Variants in SMAP2 observed in about 807,000 individuals in gnomAD.
The protein encoded by SMAP2 is stromal membrane-associated protein 2.
In SMAP2, 25 loss-of-function variants were observed where a neutral mutation model predicts 56.4. The ratio of observed to expected loss-of-function variants is 0.44; its 90% CI spans 0.32 to 0.62. SMAP2 has a LOEUF of 0.62. Ranked by LOEUF, SMAP2 falls within the 20% of genes least tolerant of loss-of-function variation. SMAP2 has a pLI of 0.04. For missense variants in SMAP2, 388 were observed against 545.6 expected (o/e 0.71, Z 2.88); for synonymous variants, 157 against 181.7 (o/e 0.86, Z 1.09).
chr1:40,373,862 G>A lies in SMAP2; in HGVS notation c.-259G>A, dbSNP rs2272992. 247 of 376,224 alleles carry A rather than the reference G, an allele frequency of 6.6e-4. 1 individual carries two copies. The East Asian group carries it at 9.6e-3, about 15-fold the overall frequency. The allele number at this position is 376,224 out of a possible 1,614,324, so 23.3% of individuals were successfully genotyped here. ...GTGGTCCGCCTTTGCCTGGGCTGAG[G>A]GTCTCTGGCCCCGCAGCCTCTCTTG... On this transcript the variant is annotated 5_prime_UTR_variant, in exon 1 of 10. Transcript: ENST00000372718.
Position 40,386,853 on chromosome 1 carries a change from CTTTT to C in SMAP2, c.103+12645_103+12648del, listed in dbSNP as rs57984975. On this transcript the variant is annotated intron_variant, in intron 1 of 9. Transcript: ENST00000372718. This position sits in a 1 kb window ranked among gnomAD's most constrained non-coding sequence, Gnocchi z 4.1. ...GATGCTGAAGGTATTTTTCATAATT[CTTTT>C]TTTTTTTTTTTTTTGGAGACAAGGT... 1.6e-5 allele frequency among the ~76,000 whole-genome samples: 2 copies of C among 127,346 alleles called. No homozygotes were observed. The allele number at this position is 127,346 out of a possible 152,430, so 83.5% of individuals were successfully genotyped here.
At position 40,422,493 on chromosome 1, in the gene SMAP2, G is replaced by T. The variant is rs1302669520; in HGVS notation, c.*392G>T. The T allele has an allele frequency of 3.4e-5, 7 of 208,306 alleles. No individual in the cohort carries two copies. Among genetic ancestry groups the T allele is most frequent in the Non-Finnish European group, 7.1e-5 (7 of 98,562 alleles). The allele number at this position is 208,306 out of a possible 1,614,324, so 12.9% of individuals were successfully genotyped here. A position where few individuals can be genotyped will look rare whatever the true frequency, so the allele number is the denominator to read the frequency against. On this transcript the variant is annotated 3_prime_UTR_variant, in exon 10 of 10. Transcript: ENST00000372718. ...TAGGCAAACAGGGGAAAGCTTAGAGGTCCTTCTATATGTGTTAATAAGCTG... is the reference window on the plus strand; with the variant it reads ...TAGGCAAACAGGGGAAAGCTTAGAGTTCCTTCTATATGTGTTAATAAGCTG...
At chr1:40,351,952 C>T (rs1644410893) in intron 1 of SMAP2, among the ~76,000 whole-genome samples, 1 of 152,054 alleles carries the variant, frequency 6.6e-6, no homozygotes, top group South Asian at 2.1e-4. Context: ...TCTTAAGCTT[C>T]TTTGGGTTAT....
At chr1:40,382,766 A>G (rs1164025185) in intron 1 of SMAP2, among the ~76,000 whole-genome samples, 1 of 152,224 alleles carries the variant, frequency 6.6e-6, no homozygotes, top group African/African-American at 2.4e-5. Flanking sequence ...CTAGAATGTA[A>G]GCTAGGGGGC....
At chr1:40,393,518 C>T (rs944155974) in intron 1 of SMAP2, 8 of 952,036 alleles carry the variant, frequency 8.4e-6, no homozygotes, top group Non-Finnish European at 1.1e-5. Context: ...AGTTGATCAA[C>T]AAAGTGTAAG....
chr1:40,387,246 T>C (rs1644666240), intron 1 of SMAP2, among the ~76,000 whole-genome samples: 1 of 152,250 alleles, frequency 6.6e-6, no homozygotes, highest in African/African-American at 2.4e-5. Flanking sequence ...TATAAGCTTA[T>C]TTCATGACAT....
At chr1:40,384,220 T>G (rs2124242262) in intron 1 of SMAP2, among the ~76,000 whole-genome samples, 1 of 152,272 alleles carries the variant, frequency 6.6e-6, no homozygotes, top group African/African-American at 2.4e-5. Flanking sequence ...AGTGTTTTCT[T>G]TACAGTTAAG....
chr1:40,345,506 G>A (rs1245904679), intron 1 of SMAP2, among the ~76,000 whole-genome samples: 4 of 151,264 alleles, frequency 2.6e-5, no homozygotes, highest in African/African-American at 9.7e-5. Flanking sequence ...TTTTTTTTGA[G>A]ATAGGGTCTC....
At chr1:40,411,572 AT>A (rs1464759870) in intron 4 of SMAP2, among the ~76,000 whole-genome samples, 4 of 152,208 alleles carry the variant, frequency 2.6e-5, no homozygotes, top group Non-Finnish European at 4.4e-5. Context: ...ATAACCTCCC[AT>A]TTACCAAAAA....
chr1:40,394,701 T>C (rs1644752613), intron 1 of SMAP2, among the ~76,000 whole-genome samples: 1 of 152,096 alleles, frequency 6.6e-6, no homozygotes, highest in Non-Finnish European at 1.5e-5. Context: ...CCAAGAGCAC[T>C]GCATAGCTTT....
In SMAP2 at chr1:40,409,272, T is replaced by C. The variant is rs118144173; in HGVS notation, c.324-485T>C. Reference sequence around the variant, plus strand: ...TCAAAATGTAGTTTGTAGATCATCTTGTTAAGGTTCTTTTTTTTTTAATGG... The same window carrying C: ...TCAAAATGTAGTTTGTAGATCATCTCGTTAAGGTTCTTTTTTTTTTAATGG... On this transcript the variant is annotated intron_variant, in intron 3 of 9. Transcript: ENST00000372718. Among the ~76,000 whole-genome samples, 212 of 152,310 alleles carry C rather than the reference T, an allele frequency of 1.4e-3. 2 individuals are homozygous for C. The East Asian group carries it at 0.021, about 15-fold the overall frequency.
chr1:40,380,152 T>C (rs1557829966), intron 1 of SMAP2, among the ~76,000 whole-genome samples: 1 of 152,262 alleles, frequency 6.6e-6, no homozygotes, highest in Non-Finnish European at 1.5e-5. Flanking sequence ...AGTTTTACTT[T>C]TGACTTTATT....
intron 1 of SMAP2, among the ~76,000 whole-genome samples, chr1:40,351,298 G>T (rs1644407988): frequency 6.6e-6 from 1 of 152,164 alleles, no homozygotes; most frequent in Non-Finnish European, 1.5e-5. Flanking sequence ...CATCTGTCTT[G>T]GCACTTGTTG....
Position 40,374,007 on chromosome 1 carries a change from C to A in SMAP2, c.-114C>A. The A allele has an allele frequency of 1.3e-6, 1 of 767,908 alleles. No homozygotes were observed. 47.6% of individuals were successfully genotyped at this position (767,908 alleles called of 1,614,324 possible). A position where few individuals can be genotyped will look rare whatever the true frequency, so the allele number is the denominator to read the frequency against. On this transcript the variant is annotated 5_prime_UTR_variant, in exon 1 of 10. Transcript: ENST00000372718. This position sits in a 1 kb window ranked among gnomAD's most constrained non-coding sequence, Gnocchi z 5.9. Reference sequence around the variant, plus strand: ...CGGGGCCGGAGGAGAGGGCTCTCCCCGCTCAGGAGGTGCCCCTGGGCGGGG... The same window carrying A: ...CGGGGCCGGAGGAGAGGGCTCTCCCAGCTCAGGAGGTGCCCCTGGGCGGGG...
chr1:40,348,244 C>T lies in SMAP2; in HGVS notation c.-83+3334C>T, dbSNP rs367928402. Reference sequence around the variant, plus strand: ...TGAAAGCAAAATATCAGACAGAGTACACAATATTCTAAGGCGTTTGATATG... The same window carrying T: ...TGAAAGCAAAATATCAGACAGAGTATACAATATTCTAAGGCGTTTGATATG... On this transcript the variant is annotated intron_variant, in intron 1 of 6. Transcript: ENST00000435168. 1.4e-4 allele frequency among the ~76,000 whole-genome samples: 22 copies of T among 152,256 alleles called. No individual in the cohort carries two copies. The East Asian group carries it at 4.2e-3, about 29-fold the overall frequency.
In SMAP2 at chr1:40,374,180, G is replaced by A. The variant is rs373662070; in HGVS notation, c.60G>A (p.Leu20=). Residue 20 remains leucine (L), a synonymous_variant, in exon 1 of 10, where the codon CTG becomes CTA. Coordinates refer to ENST00000372718, the MANE Select transcript of SMAP2 (RefSeq NM_022733.3). The surrounding 1 kb of genome is among the most constrained non-coding windows in gnomAD (Gnocchi z 5.9). ...ACCAGGCTGTCCTGGCCAACCTGCT[G>A]CTGGAGGAGGATAACAAGTTTTGTG... is the stretch of plus-strand genomic sequence containing the variant. The part of the protein sequence containing the change: ...DRYQAVLANL[L]LEEDNKFCAD... 2.3e-5 allele frequency: 37 copies of A among 1,613,674 alleles called. No homozygotes were observed. Among genetic ancestry groups the A allele is most frequent in the East Asian group, 1.3e-4 (6 of 44,890 alleles).
chr1:40,347,010 T>C (rs979511557), intron 1 of SMAP2, among the ~76,000 whole-genome samples: 3 of 144,246 alleles, frequency 2.1e-5, no homozygotes, highest in Non-Finnish European at 3.0e-5. Flanking sequence ...CCACTTGGCC[T>C]GGCTTAAAAA....
At chr1:40,352,648 C>T (rs1644413735) in intron 1 of SMAP2, among the ~76,000 whole-genome samples, 1 of 132,504 alleles carries the variant, frequency 7.5e-6, no homozygotes, top group African/African-American at 2.6e-5. Flanking sequence ...AAGCAATCCT[C>T]CCACCTTAGC....
In SMAP2 at chr1:40,422,154, C is replaced by T; in HGVS notation, c.*53C>T. 1 of 1,603,920 alleles carries T rather than the reference C, an allele frequency of 6.2e-7. No individual in the cohort carries two copies. Among genetic ancestry groups the T allele is most frequent in the South Asian group, 1.1e-5 (1 of 90,206 alleles). ...CTCTTCAGCCCTCGCTCTCCCCTTT[C>T]CACAGCCTCCACCCCTGACCCCCAT... On this transcript the variant is annotated 3_prime_UTR_variant, in exon 10 of 10. Coordinates refer to ENST00000372718, the MANE Select transcript of SMAP2 (RefSeq NM_022733.3).
Sources: gnomAD v4.1 joint callset for allele counts (sites outside exome capture counted in the v4.1 genomes callset) on GRCh38, gnomAD v4.1.1 for gene constraint, Gnocchi (gnomAD v3.1) non-coding constraint, MANE v1.5 for transcripts, NCBI Gene and HGNC (gene_info 2026-07-23, HGNC 2026-07-21) for gene names.